Variants in PDZD2 observed in about 807,000 individuals in gnomAD.
The protein encoded by PDZD2 is PDZ domain containing 2, also known as PDZ domain-containing protein 2.
PDZD2 carries 90 observed loss-of-function variants against 220.7 expected under a neutral mutation model. That is an observed-to-expected ratio of 0.41 (90% CI 0.34 to 0.49). PDZD2 has a LOEUF of 0.49. PDZD2 is among the 20% of genes least tolerant of loss of function. PDZD2 has a pLI of 0.28. For missense variants in PDZD2, 3,174 were observed against 3,608.5 expected, an observed-to-expected ratio of 0.88 and a Z score of 3.08; for synonymous variants, 1,375 against 1,450.5, an observed-to-expected ratio of 0.95 and a Z score of 1.18.
intron 1 of PDZD2, among the ~76,000 whole-genome samples, chr5:31,643,745 C>T (rs370281476): frequency 4.6e-5 from 7 of 151,980 alleles, no homozygotes; most frequent in East Asian, 3.9e-4. Flanking sequence ...ATTAGTGAAG[C>T]GGGAAAGAAA....
intron 1 of PDZD2, among the ~76,000 whole-genome samples, chr5:31,700,332 GT>G (rs1747559931): frequency 1.3e-5 from 2 of 152,236 alleles, no homozygotes; most frequent in African/African-American, 4.8e-5. Context: ...AGGAGGTGGG[GT>G]GAGGAAAGGG....
intron 2 of PDZD2, among the ~76,000 whole-genome samples, chr5:31,815,317 T>C (rs937175302): frequency 2.0e-5 from 3 of 150,792 alleles, no homozygotes; most frequent in African/African-American, 4.9e-5. Context: ...TGCTAGACTC[T>C]TAGTTAAATC....
In PDZD2 at chr5:32,037,317, A is replaced by G; in HGVS notation, c.1494A>G (p.Lys498=). ...NLESPKQGSN[K]IKLKSRLSGG... is the part of the protein sequence containing the mutation. ...AAAGTCCCAAACAGGGCAGCAATAAAATCAAGCTCAAGAGTCGCCTTTCAG... is the reference window on the plus strand; with the variant it reads ...AAAGTCCCAAACAGGGCAGCAATAAGATCAAGCTCAAGAGTCGCCTTTCAG... The change falls in exon 7 of 25, where the codon AAA becomes AAG. Residue 498 remains lysine, a synonymous_variant. Coordinates refer to ENST00000438447, the MANE Select transcript of PDZD2 (RefSeq NM_178140.4). 6.2e-7 allele frequency: 1 copy of G among 1,611,692 alleles called. No homozygotes were observed. The highest frequency in any genetic ancestry group is 8.5e-7 in the Non-Finnish European group (1 of 1,177,798).
rs1184191968 is a variant in PDZD2, at chr5:32,002,954, CCA to C, written c.1254+2693_1254+2694del. ...CTCACACACCACGAACACACACACA[CCA>C]CACACACACCAACACACACACACCA... On this transcript the variant is annotated intron_variant, in intron 5 of 24. Coordinates refer to ENST00000438447, the MANE Select transcript of PDZD2 (RefSeq NM_178140.4). 2.5e-4 allele frequency among the ~76,000 whole-genome samples: 29 copies of C among 116,904 alleles called. No individual in the cohort carries two copies. The East Asian group carries it at 5.7e-3, about 23-fold the overall frequency. The allele number at this position is 116,904 out of a possible 152,430, so 76.7% of individuals were successfully genotyped here.
chr5:31,969,209 C>T (rs1749045486), intron 2 of PDZD2, among the ~76,000 whole-genome samples: 1 of 151,878 alleles, frequency 6.6e-6, no homozygotes, highest in Non-Finnish European at 1.5e-5. Context: ...AAAGATAACA[C>T]CAAAAGGACA....
At chr5:32,034,354 A>ATTT (rs753294040) in intron 6 of PDZD2, among the ~76,000 whole-genome samples, 6 of 131,636 alleles carry the variant, frequency 4.6e-5, no homozygotes, top group Admixed American at 2.3e-4. Context: ...GGAACCAGGA[A>ATTT]TTTTTTTTTT....
At chr5:31,966,273 A>G (rs191745507) in intron 2 of PDZD2, among the ~76,000 whole-genome samples, 78 of 152,318 alleles carry the variant, frequency 5.1e-4, no homozygotes, top group Non-Finnish European at 9.7e-4. Flanking sequence ...CAGTACACAG[A>G]CTATAGGTAC....
In PDZD2 at chr5:32,089,664, C is replaced by T. The variant is rs760047586; in HGVS notation, c.6216C>T (p.Gly2072=). The T allele has an allele frequency of 1.3e-5, 21 of 1,614,010 alleles. No homozygotes were observed. Among genetic ancestry groups the T allele is most frequent in the Middle Eastern group, 1.6e-4 (1 of 6,062 alleles). Reference sequence around the variant, plus strand: ...ACACAGCCCAACCCAGGCCGACTGGCGAAAAAGGAGGCAACATAATGGCCA... The same window carrying T: ...ACACAGCCCAACCCAGGCCGACTGGTGAAAAAGGAGGCAACATAATGGCCA... ...AADTAQPRPT[G]EKGGNIMASD... is the part of the protein sequence containing the mutation. Residue 2072 remains glycine, a synonymous_variant, in exon 20 of 25, where the codon GGC becomes GGT. Transcript: ENST00000438447.
intron 1 of PDZD2, among the ~76,000 whole-genome samples, chr5:31,793,146 C>G (rs947592941): frequency 4.0e-5 from 6 of 151,350 alleles, no homozygotes; most frequent in Admixed American, 6.6e-5. Context: ...GCCAAAGGTG[C>G]TTATTTAGAA....
chr5:31,840,467 G>A (rs1757235015), intron 2 of PDZD2: 2 of 194,206 alleles, frequency 1.0e-5, no homozygotes, highest in Non-Finnish European at 1.9e-5. Context: ...TAGTCCAGAG[G>A]TCTTTTTTTT....
At chr5:32,100,840 A>G (rs1196420242) in intron 23 of PDZD2, 4 of 1,484,106 alleles carry the variant, frequency 2.7e-6, no homozygotes, top group East Asian at 5.4e-5. Context: ...TTGGGCATAA[A>G]AGCATTTGCC....
chr5:31,820,695 G>A (rs1377674793), intron 2 of PDZD2: 3 of 149,776 alleles, frequency 2.0e-5, no homozygotes, highest in East Asian at 1.9e-4. Context: ...CAAATTTCAT[G>A]GAGTGAAGGT....
At chr5:31,985,512 T>C (rs543665609) in intron 3 of PDZD2, among the ~76,000 whole-genome samples, 8 of 151,688 alleles carry the variant, frequency 5.3e-5, no homozygotes, top group African/African-American at 1.4e-4. Flanking sequence ...CTGGCCAACA[T>C]AGCAAAACCA....
At chr5:31,985,617 T>C (rs1750651559) in intron 3 of PDZD2, among the ~76,000 whole-genome samples, 1 of 152,140 alleles carries the variant, frequency 6.6e-6, no homozygotes, top group East Asian at 1.9e-4. Context: ...CACTTGAACC[T>C]GGCAGGTGGA....
rs1486404969 is a variant in PDZD2, at chr5:32,058,046, G to T, written c.2143G>T (p.Gly715Cys). Reference sequence around the variant, plus strand: ...CGATGAAGGCAGTTCTTCATCCCTGGGTCGGAAGACCCCTGGGCCCAAGGA... The same window carrying T: ...CGATGAAGGCAGTTCTTCATCCCTGTGTCGGAAGACCCCTGGGCCCAAGGA... ...GSDEGSSSSL[G>C]RKTPGPKDRI... Residue 715 changes from glycine (G) to cysteine (C), a missense_variant, in exon 12 of 25, where the codon GGT becomes TGT. Transcript: ENST00000438447. 7 of 1,612,826 alleles carry T rather than the reference G, an allele frequency of 4.3e-6. No homozygotes were observed. The highest frequency in any genetic ancestry group is 1.3e-5 in the African/African-American group (1 of 74,824).
chr5:31,884,396 C>G (rs961644324), intron 2 of PDZD2, among the ~76,000 whole-genome samples: 1 of 152,126 alleles, frequency 6.6e-6, no homozygotes, highest in Non-Finnish European at 1.5e-5. Context: ...GGGAATTGGA[C>G]TGAATCTGTG....
At chr5:32,071,173 G>T (rs1740703992) in intron 15 of PDZD2, among the ~76,000 whole-genome samples, 1 of 152,164 alleles carries the variant, frequency 6.6e-6, no homozygotes, top group Non-Finnish European at 1.5e-5. Context: ...TCTGAGTTAG[G>T]GCTTGAAGCA....
At chr5:32,079,001 G>A (rs245152) in intron 19 of PDZD2, among the ~76,000 whole-genome samples, 47,584 of 151,788 alleles carry the variant, frequency 0.31, 8,013 homozygotes, top group East Asian at 0.46. Flanking sequence ...CATCATGCCT[G>A]TAATCCCAGC....
intron 18 of PDZD2, among the ~76,000 whole-genome samples, chr5:32,075,182 G>C (rs1192637189): frequency 1.3e-5 from 2 of 152,186 alleles, no homozygotes; most frequent in East Asian, 1.9e-4. Context: ...TAGAATCTCT[G>C]TCTTACCTGT....
Sources: allele counts gnomAD v4.1 joint callset (sites outside exome capture counted in the v4.1 genomes callset), GRCh38; gene constraint gnomAD v4.1.1; transcripts MANE v1.5; gene names NCBI Gene and HGNC (gene_info 2026-07-23, HGNC 2026-07-21).